Variants in CRPPA observed in about 807,000 individuals in gnomAD.
CRPPA encodes the protein CDP-L-ribitol pyrophosphorylase A, also known as D-ribitol-5-phosphate cytidylyltransferase.
In CRPPA, 43 loss-of-function variants were observed where a neutral mutation model predicts 52.0. The ratio of observed to expected loss-of-function variants is 0.83; its 90% CI spans 0.65 to 1.07. The LOEUF is 1.07. Ranked by LOEUF, CRPPA falls within the 50% of genes least tolerant of loss-of-function variation. The pLI is 0.00. For synonymous variants in CRPPA, 250 were observed against 203.5 expected, an observed-to-expected ratio of 1.23 and a Z score of -1.94; for missense variants, 629 against 551.7, an observed-to-expected ratio of 1.14 and a Z score of -1.40.
intron 9 of CRPPA, chr7:16,209,070 C>T (rs1782046570): frequency 2.5e-6 from 1 of 397,604 alleles, no homozygotes; most frequent in East Asian, 6.6e-5. Context: ...GGTGTTATGA[C>T]AGATAGCAGG....
chr7:16,286,072 T>TTTAAAA (rs1562608567), intron 5 of CRPPA, among the ~76,000 whole-genome samples: 10 of 20,596 alleles, frequency 4.9e-4, no homozygotes, highest in Non-Finnish European at 8.4e-4. Flanking sequence ...TATATATATA[T>TTTAAAA]ATATATATAA....
intron 2 of CRPPA, among the ~76,000 whole-genome samples, chr7:16,404,349 AG>A (rs1787898538): frequency 6.6e-6 from 1 of 152,180 alleles, no homozygotes; most frequent in Non-Finnish European, 1.5e-5. Flanking sequence ...ACAATCTAAT[AG>A]GAACTCCCTC....
intron 9 of CRPPA, among the ~76,000 whole-genome samples, chr7:16,142,830 A>G (rs1782899222): frequency 6.6e-6 from 1 of 152,218 alleles, no homozygotes; most frequent in Admixed American, 6.5e-5. Context: ...AAGAGTAATG[A>G]ATCTCAATGC....
chr7:16,138,950 C>T (rs746305636), intron 9 of CRPPA, among the ~76,000 whole-genome samples: 4 of 151,954 alleles, frequency 2.6e-5, no homozygotes, highest in South Asian at 2.1e-4. Context: ...TACAGGTGCC[C>T]GCCACCACAC....
At chr7:16,376,383 G>T in intron 2 of CRPPA, 142 bp from the exon 3 acceptor site, 1 of 800,242 alleles carries the variant, frequency 1.2e-6, no homozygotes, top group Non-Finnish European at 1.8e-6. Flanking sequence ...AAGTGTGATT[G>T]GTTCAAAAAT....
At chr7:16,166,907 C>T (rs1781077641) in intron 9 of CRPPA, among the ~76,000 whole-genome samples, 1 of 148,468 alleles carries the variant, frequency 6.7e-6, no homozygotes, top group African/African-American at 2.5e-5. Context: ...TTCAAGAAAG[C>T]TTTCCCCTTC....
At chr7:16,140,732 T>C (rs1163330009) in intron 9 of CRPPA, among the ~76,000 whole-genome samples, 2 of 152,204 alleles carry the variant, frequency 1.3e-5, no homozygotes, top group Admixed American at 1.3e-4. Context: ...GTATCAAAAA[T>C]TCCCCAGCAT....
chr7:16,198,611 G>A (rs1020336566), intron 9 of CRPPA, among the ~76,000 whole-genome samples: 7 of 144,994 alleles, frequency 4.8e-5, no homozygotes, highest in Non-Finnish European at 1.0e-4. Context: ...CTTTGTCTCT[G>A]TGTCTTTTTC....
At chr7:16,381,310 T>A (rs1236872530) in intron 2 of CRPPA, among the ~76,000 whole-genome samples, 6 of 152,130 alleles carry the variant, frequency 3.9e-5, no homozygotes, top group East Asian at 1.9e-4. Context: ...TTTGAGTGAG[T>A]TTCTTAATCC....
chr7:16,089,581 A>G lies in CRPPA; in HGVS notation c.*2114T>C, dbSNP rs1225152301. 4.3e-6 allele frequency: 1 copy of G among 233,442 alleles called. No individual in the cohort carries two copies. Among genetic ancestry groups the G allele is most frequent in the Non-Finnish European group, 9.4e-6 (1 of 106,558 alleles). 14.5% of individuals were successfully genotyped at this position (233,442 alleles called of 1,614,324 possible). ...TAAGTATATACATATATATGGGTAT[A>G]CATGCATGTATATACATATATATGG... On this transcript the variant is annotated 3_prime_UTR_variant, in exon 10 of 10. Coordinates refer to ENST00000407010, the MANE Select transcript of CRPPA (RefSeq NM_001101426.4).
intron 5 of CRPPA, among the ~76,000 whole-genome samples, chr7:16,283,630 T>C (rs1300471418): frequency 6.6e-6 from 1 of 151,532 alleles, no homozygotes; most frequent in Non-Finnish European, 1.5e-5. Context: ...TGGAATAATT[T>C]TGGGGGTAAT....
intron 9 of CRPPA, among the ~76,000 whole-genome samples, chr7:16,104,912 A>G (rs1158280125): frequency 1.3e-5 from 2 of 151,762 alleles, no homozygotes; most frequent in Admixed American, 1.3e-4. Context: ...AGAAAAAAAA[A>G]AAAGAAAAAA....
chr7:16,200,541 A>AGTTCAATT (rs1382147311), intron 9 of CRPPA, among the ~76,000 whole-genome samples: 1 of 152,218 alleles, frequency 6.6e-6, no homozygotes, highest in Non-Finnish European at 1.5e-5. Context: ...GACACATAAA[A>AGTTCAATT]GTTCAATTAA....
At chr7:16,339,047 C>T (rs1454241099) in intron 3 of CRPPA, among the ~76,000 whole-genome samples, 3 of 151,826 alleles carry the variant, frequency 2.0e-5, no homozygotes, top group Non-Finnish European at 2.9e-5. Context: ...CCTCGTGATC[C>T]GCCCGCCTCG....
At chr7:16,313,902 G>A (rs554947945) in intron 3 of CRPPA, among the ~76,000 whole-genome samples, 3 of 152,022 alleles carry the variant, frequency 2.0e-5, no homozygotes, top group African/African-American at 7.2e-5. Context: ...ACTTTGTTAA[G>A]GTGTGTTTTA....
intron 9 of CRPPA, among the ~76,000 whole-genome samples, chr7:16,192,285 T>A (rs566748216): frequency 5.3e-5 from 8 of 152,210 alleles, no homozygotes; most frequent in Non-Finnish European, 7.4e-5. Flanking sequence ...TTCTATTGGT[T>A]CTGTGTCTCT....
rs547859256 is a variant in CRPPA, at chr7:16,090,242, A to G, written c.*1453T>C. On this transcript the variant is annotated 3_prime_UTR_variant, in exon 10 of 10. Coordinates refer to ENST00000407010, the MANE Select transcript of CRPPA (RefSeq NM_001101426.4). ...TTTCAATTAGGAGAATGTAAAATATAAACTCTCCTACTATATATATACTTG... is the reference window on the plus strand; with the variant it reads ...TTTCAATTAGGAGAATGTAAAATATGAACTCTCCTACTATATATATACTTG... 5 of 152,306 alleles carry G rather than the reference A, an allele frequency of 3.3e-5. No homozygotes were observed. The East Asian group carries it at 9.6e-4, about 29-fold the overall frequency. The allele number at this position is 152,306 out of a possible 1,614,324, so 9.4% of individuals were successfully genotyped here.
At chr7:16,326,654 A>C (rs947368574) in intron 3 of CRPPA, among the ~76,000 whole-genome samples, 1 of 152,232 alleles carries the variant, frequency 6.6e-6, no homozygotes, top group African/African-American at 2.4e-5. Flanking sequence ...AAAGAGATTC[A>C]GTACCTATCT....
intron 9 of CRPPA, among the ~76,000 whole-genome samples, chr7:16,181,536 T>C (rs1482345559): frequency 6.6e-6 from 1 of 151,826 alleles, no homozygotes; most frequent in Non-Finnish European, 1.5e-5. Flanking sequence ...ATATGTAGTA[T>C]CGAGTATACC....
Sources: gnomAD v4.1 joint callset for allele counts (sites outside exome capture counted in the v4.1 genomes callset) on GRCh38, gnomAD v4.1.1 for gene constraint, MANE v1.5 for transcripts, NCBI Gene and HGNC (gene_info 2026-07-23, HGNC 2026-07-21) for gene names.